CPNE4: variants seen among roughly 807,000 people sequenced by gnomAD.
CPNE4 encodes the protein copine-4.
A neutral mutation model predicts 67.9 loss-of-function variants in CPNE4; 25 were observed. The observed-to-expected ratio is 0.37, with a 90% confidence interval of 0.27 to 0.51. CPNE4 has a LOEUF of 0.51. Among genes scored for constraint, CPNE4 ranks in the 20% least tolerant of loss-of-function variants. CPNE4 has a pLI of 0.93. For synonymous variants in CPNE4, 242 were observed against 244.9 expected (o/e 0.99, Z 0.11); for missense variants, 464 against 690.8 (o/e 0.67, Z 3.68).
At position 131,534,599 on chromosome 3, in the gene CPNE4, T is replaced by C. The variant is rs888924979; in HGVS notation, c.*596A>G. ...AAAGTATGAGAGGTGCTGGGCTAGA[T>C]GACCCAGACTTACCTCAAAAAGACT... is the stretch of plus-strand genomic sequence containing the variant. On this transcript the variant is annotated 3_prime_UTR_variant, in exon 16 of 16. Coordinates refer to ENST00000429747, the MANE Select transcript of CPNE4 (RefSeq NM_130808.3). The C allele has an allele frequency of 2.6e-5, 4 of 152,196 alleles. No individual in the cohort carries two copies. Among genetic ancestry groups the C allele is most frequent in the Non-Finnish European group, 4.4e-5 (3 of 68,044 alleles). 9.4% of individuals were successfully genotyped at this position (152,196 alleles called of 1,614,324 possible).
chr3:131,535,734 A>G (rs1935105067), intron 15 of CPNE4, among the ~76,000 whole-genome samples: 1 of 152,168 alleles, frequency 6.6e-6, no homozygotes, highest in South Asian at 2.1e-4. Flanking sequence ...GCCAATATTA[A>G]CTATGAGGTA....
intron 1 of CPNE4, among the ~76,000 whole-genome samples, chr3:131,922,964 C>G (rs996544491): frequency 7.2e-5 from 11 of 152,064 alleles, no homozygotes; most frequent in African/African-American, 2.4e-4. Flanking sequence ...TATTATAGAT[C>G]AAGACTGTAA....
At chr3:131,939,275 A>G (rs1017437607) in intron 1 of CPNE4, among the ~76,000 whole-genome samples, 4 of 152,192 alleles carry the variant, frequency 2.6e-5, no homozygotes, top group Non-Finnish European at 5.9e-5. Context: ...GCTGTCAACA[A>G]CAACAACAAA....
chr3:131,658,584 C>T (rs926961021), intron 7 of CPNE4, among the ~76,000 whole-genome samples: 10 of 152,176 alleles, frequency 6.6e-5, no homozygotes, highest in Non-Finnish European at 4.4e-5. Context: ...ACACAAAGTC[C>T]TCCTGGCCTT....
chr3:131,954,671 G>C (rs748449969), intron 1 of CPNE4, among the ~76,000 whole-genome samples: 30 of 152,104 alleles, frequency 2.0e-4, no homozygotes, highest in Non-Finnish European at 1.2e-4. Context: ...GACAGGCCCA[G>C]TGTGTGATGT....
intron 7 of CPNE4, among the ~76,000 whole-genome samples, chr3:131,665,813 G>C (rs1157353835): frequency 1.3e-5 from 2 of 152,086 alleles, no homozygotes; most frequent in African/African-American, 4.8e-5. Context: ...GAGGTTCTAA[G>C]AGGTACATAG....
chr3:131,894,701 A>T (rs2088253554), intron 2 of CPNE4, among the ~76,000 whole-genome samples: 1 of 152,016 alleles, frequency 6.6e-6, no homozygotes, highest in South Asian at 2.1e-4. Context: ...TATCAAGAAG[A>T]CAAAGGAAAA....
intron 1 of CPNE4, among the ~76,000 whole-genome samples, chr3:131,916,557 A>G (rs1171673625): frequency 6.6e-6 from 1 of 152,176 alleles, no homozygotes; most frequent in Non-Finnish European, 1.5e-5. Flanking sequence ...GCAGAGGACA[A>G]CATGGTGTGT....
chr3:131,710,147 T>C (rs78382649), intron 3 of CPNE4, among the ~76,000 whole-genome samples: 74 of 152,316 alleles, frequency 4.9e-4, no homozygotes, highest in African/African-American at 1.7e-3. Flanking sequence ...AGTGAGTACA[T>C]GTATATTAGC....
intron 1 of CPNE4, among the ~76,000 whole-genome samples, chr3:131,966,896 A>G (rs141754755): frequency 1.3e-5 from 2 of 152,312 alleles, no homozygotes; most frequent in African/African-American, 2.4e-5. Context: ...CATCATCCTG[A>G]TACCAAAATC....
intron 1 of CPNE4, among the ~76,000 whole-genome samples, chr3:131,969,294 A>G (rs932458389): frequency 6.6e-6 from 1 of 152,128 alleles, no homozygotes; most frequent in Non-Finnish European, 1.5e-5. Flanking sequence ...TGATGGGTGC[A>G]GCAAACCACC....
At chr3:131,822,369 C>T (rs2084993285) in intron 2 of CPNE4, among the ~76,000 whole-genome samples, 1 of 152,174 alleles carries the variant, frequency 6.6e-6, no homozygotes, top group Non-Finnish European at 1.5e-5. Context: ...CTAACCCTAG[C>T]CTTCACTCAA....
intron 1 of CPNE4, among the ~76,000 whole-genome samples, chr3:132,025,934 C>A (rs1479233850): frequency 6.6e-6 from 1 of 152,078 alleles, no homozygotes; most frequent in East Asian, 1.9e-4. Flanking sequence ...AAAGTCAATG[C>A]GTAAAGTACA....
intron 2 of CPNE4, among the ~76,000 whole-genome samples, chr3:131,865,977 C>A (rs1295808867): frequency 6.6e-6 from 1 of 152,190 alleles, no homozygotes; most frequent in Non-Finnish European, 1.5e-5. Context: ...CAGGCCTTTA[C>A]AGGCTCACAC....
chr3:131,898,070 T>C (rs1328428542), intron 2 of CPNE4, among the ~76,000 whole-genome samples: 1 of 152,056 alleles, frequency 6.6e-6, no homozygotes, highest in Non-Finnish European at 1.5e-5. Context: ...ATCATTGTCA[T>C]TAATAAAGAG....
At chr3:131,937,881 AAG>A (rs1384854758) in intron 1 of CPNE4, among the ~76,000 whole-genome samples, 1 of 152,148 alleles carries the variant, frequency 6.6e-6, no homozygotes, top group Non-Finnish European at 1.5e-5. Flanking sequence ...ATCAGGTAGA[AAG>A]AGAGAGGAAG....
chr3:131,631,926 C>T (rs1235053021), intron 7 of CPNE4, among the ~76,000 whole-genome samples: 3 of 148,964 alleles, frequency 2.0e-5, no homozygotes, highest in Non-Finnish European at 3.0e-5. Context: ...GACAGAGTCT[C>T]ACTCTGTCGC....
At chr3:131,638,096 C>T (rs545188164) in intron 7 of CPNE4, among the ~76,000 whole-genome samples, 2 of 152,120 alleles carry the variant, frequency 1.3e-5, no homozygotes, top group African/African-American at 2.4e-5. Context: ...AAGCATATTT[C>T]TCACAGGACC....
chr3:131,839,313 A>C (rs889293555), intron 2 of CPNE4, among the ~76,000 whole-genome samples: 1 of 151,948 alleles, frequency 6.6e-6, no homozygotes, highest in Admixed American at 6.5e-5. Context: ...TGGACTTTTC[A>C]AGGTAATCTA....
Sources: gnomAD v4.1 joint callset for allele counts (sites outside exome capture counted in the v4.1 genomes callset) on GRCh38, gnomAD v4.1.1 for gene constraint, MANE v1.5 for transcripts, NCBI Gene and HGNC (gene_info 2026-07-23, HGNC 2026-07-21) for gene names.